SCN11A: variants seen among roughly 807,000 people sequenced by gnomAD.
SCN11A encodes sodium voltage-gated channel alpha subunit 11.
Under a neutral mutation model 162.2 loss-of-function variants are expected in SCN11A, and 122 were observed. The observed-to-expected ratio is 0.75, with a 90% CI of 0.65 to 0.87. The LOEUF is 0.87. SCN11A is among the 40% of genes least tolerant of loss of function. The pLI is 0.00. For missense variants in SCN11A, 2,015 were observed against 2,181.6 expected, an observed-to-expected ratio of 0.92 and a Z score of 1.52; for synonymous variants, 758 against 751.5, an observed-to-expected ratio of 1.01 and a Z score of -0.14.
intron 11 of SCN11A, among the ~76,000 whole-genome samples, chr3:38,914,156 T>C (rs1041602680): frequency 2.6e-5 from 4 of 152,172 alleles, no homozygotes. Flanking sequence ...GTTTGTGTCA[T>C]TTTTAATTTC....
intron 7 of SCN11A, among the ~76,000 whole-genome samples, chr3:38,934,562 G>A (rs1654759743): frequency 6.6e-6 from 1 of 151,914 alleles, no homozygotes; most frequent in South Asian, 2.1e-4. Flanking sequence ...AACAAAAAAA[G>A]GCAGGGGTTG....
At chr3:38,950,529 GA>G (rs2066597135) in intron 4 of SCN11A, 160 bp from the exon 5 acceptor site, 1 of 679,594 alleles carries the variant, frequency 1.5e-6, no homozygotes, top group Non-Finnish European at 2.5e-6. Flanking sequence ...GTGAAGATCA[GA>G]AGAGATGACC....
At position 38,905,309 on chromosome 3, in the gene SCN11A, C is replaced by T. The variant is rs1254635532; in HGVS notation, c.1486G>A (p.Glu496Lys). Residue 496 changes from glutamate (E) to lysine (K), a missense_variant, in exon 15 of 30, where the codon GAG (glutamate) becomes AAG (lysine). Transcript: ENST00000302328. ...TTCTGGGACAGTCGTTTGGTTTGCT[C>T]TAGGAGCTGTGGCTGTAAGAGAAGG... is the stretch of plus-strand genomic sequence containing the variant. Reference protein sequence around the residue: ...EDCQKKPQLLEQTKRLSQNLS... With the variant: ...EDCQKKPQLLKQTKRLSQNLS... 1 of 1,613,722 alleles carries T rather than the reference C, an allele frequency of 6.2e-7. No homozygotes were observed. The highest frequency in any genetic ancestry group is 1.1e-5 in the South Asian group (1 of 90,986).
chr3:38,919,234 G>A (rs576295037), intron 11 of SCN11A, among the ~76,000 whole-genome samples: 15 of 152,276 alleles, frequency 9.9e-5, no homozygotes, highest in African/African-American at 3.6e-4. Flanking sequence ...ATCCAAAAAC[G>A]TGGAGCTGCC....
chr3:38,846,601 C>A lies in SCN11A; in HGVS notation c.*93G>T. 1.1e-6 allele frequency: 1 copy of A among 901,688 alleles called. No homozygotes were observed. Among genetic ancestry groups the A allele is most frequent in the South Asian group, 1.6e-5 (1 of 62,548 alleles). The allele number at this position is 901,688 out of a possible 1,614,324, so 55.9% of individuals were successfully genotyped here. ...AATGGAATGGCTAATTTGGTGAATC[C>A]ACTCCCTGTTGATACACTAAGCTGC... On this transcript the variant is annotated 3_prime_UTR_variant, in exon 30 of 30. Coordinates refer to ENST00000302328, the MANE Select transcript of SCN11A (RefSeq NM_001349253.2).
chr3:38,953,196 G>A (rs1254283567), intron 4 of SCN11A, among the ~76,000 whole-genome samples: 2 of 152,096 alleles, frequency 1.3e-5, no homozygotes, highest in Non-Finnish European at 2.9e-5. Flanking sequence ...TTATAAGTGG[G>A]AGCTAAATGA....
At chr3:38,975,000 GC>G (rs2066840490) in intron 2 of SCN11A, among the ~76,000 whole-genome samples, 1 of 150,446 alleles carries the variant, frequency 6.6e-6, no homozygotes, top group South Asian at 2.1e-4. Context: ...CCAATGAACG[GC>G]AATTTAATTC....
chr3:38,852,951 G>A (rs1307854061), intron 28 of SCN11A, among the ~76,000 whole-genome samples: 1 of 152,236 alleles, frequency 6.6e-6, no homozygotes, highest in African/African-American at 2.4e-5. Flanking sequence ...TTCATTGAAG[G>A]CTTGATTGGT....
intron 2 of SCN11A, among the ~76,000 whole-genome samples, chr3:39,002,855 A>G (rs2030858288): frequency 6.6e-6 from 1 of 152,228 alleles, no homozygotes; most frequent in Non-Finnish European, 1.5e-5. Context: ...TAGGAGACCC[A>G]TGGAGTCAAG....
At chr3:39,010,746 G>A (rs1256803614) in intron 2 of SCN11A, among the ~76,000 whole-genome samples, 1 of 152,114 alleles carries the variant, frequency 6.6e-6, no homozygotes, top group Non-Finnish European at 1.5e-5. Context: ...TCATGAGATA[G>A]CAGCTAAATT....
chr3:38,979,488 G>A (rs946890891), intron 2 of SCN11A, among the ~76,000 whole-genome samples: 7 of 152,142 alleles, frequency 4.6e-5, no homozygotes, highest in Non-Finnish European at 1.0e-4. Context: ...CATCTCCATG[G>A]TCCATCCTTT....
At chr3:38,995,180 G>C (rs2030584278) in intron 2 of SCN11A, among the ~76,000 whole-genome samples, 1 of 151,638 alleles carries the variant, frequency 6.6e-6, no homozygotes, top group South Asian at 2.1e-4. Flanking sequence ...GCCCAGGCTG[G>C]AGTGCAGTGG....
At chr3:38,855,867 C>T (rs2064860299) in intron 28 of SCN11A, among the ~76,000 whole-genome samples, 1 of 152,200 alleles carries the variant, frequency 6.6e-6, no homozygotes, top group South Asian at 2.1e-4. Flanking sequence ...GCTGGGAAAC[C>T]TGAAAACAGA....
intron 2 of SCN11A, among the ~76,000 whole-genome samples, chr3:39,003,873 GTT>G (rs34577825): frequency 6.6e-6 from 1 of 150,882 alleles, no homozygotes; most frequent in Non-Finnish European, 1.5e-5. Context: ...TTTTTAATGG[GTT>G]TTTTTTTCTT....
At chr3:38,974,709 A>AAAAAAG (rs1553647127) in intron 2 of SCN11A, among the ~76,000 whole-genome samples, 7,359 of 129,146 alleles carry the variant, frequency 0.057, 338 homozygotes, top group Non-Finnish European at 0.071. Context: ...AAAAAAAAAA[A>AAAAAAG]AAAAGAAAAG....
At chr3:39,042,238 C>T (rs1363375707) in intron 1 of SCN11A, among the ~76,000 whole-genome samples, 1 of 152,144 alleles carries the variant, frequency 6.6e-6, no homozygotes, top group East Asian at 1.9e-4. Context: ...CACTGCACTC[C>T]AGCCTGAGAG....
chr3:38,896,704 TTGAA>T, intron 18 of SCN11A, 137 bp downstream of exon 18: 1 of 805,082 alleles, frequency 1.2e-6, no homozygotes, highest in Non-Finnish European at 1.8e-6. Context: ...CAAACAAAAT[TTGAA>T]TGAATATTTC....
rs768158065 is a variant in SCN11A at position 38,847,686 on chromosome 3, A to G, written c.4384T>C (p.Phe1462Leu). 2.5e-6 allele frequency: 4 copies of G among 1,613,218 alleles called. No homozygotes were observed. The South Asian group carries it at 3.3e-5, about 13-fold the overall frequency. ...QEHIPFPPTL[F>L]RIVRLARIGR... ...ATCCGAGCCAAGCGGACAATTCTGAAGAGCGTCGGAGGGAAAGGAATGTGC... is the reference window on the plus strand; with the variant it reads ...ATCCGAGCCAAGCGGACAATTCTGAGGAGCGTCGGAGGGAAAGGAATGTGC... The change falls in exon 30 of 30, where the codon TTC (phenylalanine) becomes CTC (leucine). Residue 1462 changes from phenylalanine to leucine, a missense_variant. Transcript: ENST00000302328.
At chr3:38,983,309 A>T (rs2030125798) in intron 2 of SCN11A, among the ~76,000 whole-genome samples, 1 of 152,208 alleles carries the variant, frequency 6.6e-6, no homozygotes, top group South Asian at 2.1e-4. Flanking sequence ...AGACCTAGGC[A>T]AAAGGTGCAT....
Sources: allele counts gnomAD v4.1 joint callset (sites outside exome capture counted in the v4.1 genomes callset), GRCh38; gene constraint gnomAD v4.1.1; transcripts MANE v1.5; gene names NCBI Gene and HGNC (gene_info 2026-07-23, HGNC 2026-07-21).